The following ELL variants were observed in gnomAD, a reference collection of about 807,000 sequenced individuals.
ELL encodes the protein elongation factor for RNA polymerase II, also known as RNA polymerase II elongation factor ELL.
In ELL, 18 loss-of-function variants were observed where a neutral mutation model predicts 64.0. That is an observed-to-expected ratio of 0.28 (90% CI 0.19 to 0.42). The LOEUF (loss-of-function observed/expected upper bound fraction) is 0.42. ELL is among the 10% of genes least tolerant of loss of function. The probability of loss-of-function intolerance (pLI) is 1.00; values close to 1 mark genes in which losing one functional copy is unlikely to be tolerated. For missense variants in ELL, 797 were observed against 870.4 expected, an observed-to-expected ratio of 0.92 and a Z score of 1.06; for synonymous variants, 399 against 376.2, an observed-to-expected ratio of 1.06 and a Z score of -0.70.
intron 1 of ELL, among the ~76,000 whole-genome samples, chr19:18,521,175 C>T (rs1412523269): frequency 6.6e-6 from 1 of 152,062 alleles, no homozygotes; most frequent in Non-Finnish European, 1.5e-5. Flanking sequence ...TACATGTGCC[C>T]TGAGGATAAC....
chr19:18,489,746 C>T (rs1485143452), intron 1 of ELL, among the ~76,000 whole-genome samples: 1 of 152,256 alleles, frequency 6.6e-6, no homozygotes, highest in Middle Eastern at 3.4e-3. Flanking sequence ...TCCCCCAAGG[C>T]GTCATCAGAG....
chr19:18,463,774 C>T (rs1974880697), intron 4 of ELL, among the ~76,000 whole-genome samples: 1 of 151,464 alleles, frequency 6.6e-6, no homozygotes, highest in Non-Finnish European at 1.5e-5. Context: ...GTCAGGAGAT[C>T]GAGACCGTCC....
At chr19:18,521,232 G>A (rs1338467722) in intron 1 of ELL, among the ~76,000 whole-genome samples, 2 of 151,996 alleles carry the variant, frequency 1.3e-5, no homozygotes, top group Admixed American at 6.6e-5. Context: ...ACCTCTCTCC[G>A]GAGAGAGAGG....
intron 1 of ELL, among the ~76,000 whole-genome samples, chr19:18,515,872 C>T (rs1044400988): frequency 8.5e-5 from 13 of 152,140 alleles, no homozygotes; most frequent in South Asian, 6.2e-4. Flanking sequence ...CAGGTGATGC[C>T]GCCTCTCAGA....
intron 1 of ELL, among the ~76,000 whole-genome samples, chr19:18,478,509 CA>C: frequency 6.6e-6 from 1 of 152,176 alleles, no homozygotes; most frequent in East Asian, 1.9e-4. Context: ...CCTCGAGTGG[CA>C]AAAATCCAAC....
chr19:18,483,864 T>C (rs1270963662), intron 1 of ELL, among the ~76,000 whole-genome samples: 2 of 152,196 alleles, frequency 1.3e-5, no homozygotes, highest in Non-Finnish European at 2.9e-5. Context: ...TGCACCTCCA[T>C]GGGTCAATCT....
In ELL at chr19:18,461,846, T is replaced by C; in HGVS notation, c.476A>G (p.Lys159Arg). Residue 159 changes from lysine to arginine, a missense_variant, in exon 5 of 12, where the codon AAG becomes AGG. Physicochemically the swap from Lys to Arg is conservative, Grantham distance 26. Coordinates refer to ENST00000262809, the MANE Select transcript of ELL (RefSeq NM_006532.4). ...IKAGGRYLGK[K>R]VQFRKPAPGA... The stretch of plus-strand genomic sequence containing the variant: ...TGGGGCTGGTTTCCGAAACTGAACC[T>C]TCTTGCCTGCAACAAGAATCCAAGC... 1 of 1,611,236 alleles carries C rather than the reference T, an allele frequency of 6.2e-7. No homozygotes were observed. The highest frequency in any genetic ancestry group is 8.5e-7 in the Non-Finnish European group (1 of 1,177,836).
At position 18,482,336 on chromosome 19, in the gene ELL, T is replaced by C. The variant is rs866260769; in HGVS notation, c.136-9454A>G. 2.6e-3 allele frequency among the ~76,000 whole-genome samples: 335 copies of C among 127,912 alleles called. 4 individuals carry two copies. The highest frequency in any genetic ancestry group is 4.3e-3 in the Non-Finnish European group (256 of 59,126). The allele number at this position is 127,912 out of a possible 152,430, so 83.9% of individuals were successfully genotyped here. A position where few individuals can be genotyped will look rare whatever the true frequency, so the allele number is the denominator to read the frequency against. On this transcript the variant is annotated intron_variant, in intron 1 of 11. Coordinates refer to ENST00000262809, the MANE Select transcript of ELL (RefSeq NM_006532.4). ...TTTTTTTTTTTTTTTTTTTTTTTTT[T>C]AAACAGGGTCTCGCCCTGTCACCTA...
intron 1 of ELL, among the ~76,000 whole-genome samples, chr19:18,480,939 C>T (rs1354740136): frequency 6.6e-6 from 1 of 152,186 alleles, no homozygotes; most frequent in Non-Finnish European, 1.5e-5. Context: ...CAGCCCGCAG[C>T]AGATATTTCT....
At chr19:18,483,361 C>T (rs1975345402) in intron 1 of ELL, among the ~76,000 whole-genome samples, 1 of 152,206 alleles carries the variant, frequency 6.6e-6, no homozygotes, top group Non-Finnish European at 1.5e-5. Flanking sequence ...AGGCGCTCAG[C>T]AGGTGAGCAG....
intron 7 of ELL, 63 bp from the exon 8 acceptor site, chr19:18,451,038 C>CCCAACG: frequency 6.9e-7 from 1 of 1,456,484 alleles, no homozygotes; most frequent in Non-Finnish European, 9.0e-7. Context: ...AACAGGCAAT[C>CCCAACG]CCCTGGCCTG....
chr19:18,468,521 C>T (rs1974998819), intron 2 of ELL, among the ~76,000 whole-genome samples: 1 of 152,204 alleles, frequency 6.6e-6, no homozygotes, highest in Admixed American at 6.5e-5. Context: ...CTGTGGTGGC[C>T]AGGTGCACAG....
At chr19:18,514,639 C>CT (rs1367464499) in intron 1 of ELL, among the ~76,000 whole-genome samples, 1 of 152,066 alleles carries the variant, frequency 6.6e-6, no homozygotes, top group Non-Finnish European at 1.5e-5. Context: ...CCTTTGGACT[C>CT]TGTGGCTGAC....
chr19:18,449,019 T>G lies in ELL; in HGVS notation c.1465+1458A>C, dbSNP rs941444858. ...GACCACCAGCACCAGGCTCAGCTTCTGGTGCCTCCACTGTCCTTTTCTTGG... is the reference window on the plus strand; with the variant it reads ...GACCACCAGCACCAGGCTCAGCTTCGGGTGCCTCCACTGTCCTTTTCTTGG... On this transcript the variant is annotated intron_variant, in intron 8 of 11. Transcript: ENST00000262809. This position sits in a 1 kb window ranked among gnomAD's most constrained non-coding sequence, Gnocchi z 4.4. Among the ~76,000 whole-genome samples, 2 of 152,184 alleles carry G rather than the reference T, an allele frequency of 1.3e-5. No homozygotes were observed. The highest frequency in any genetic ancestry group is 1.3e-4 in the Admixed American group (2 of 15,272).
chr19:18,461,677 C>T lies in ELL; in HGVS notation c.645G>A (p.Leu215=). ...RPFRDRVLHL[L]ALRPYRKAEL... is the part of the protein sequence containing the mutation. ...CAGCCTTGCGGTAGGGCCGTAGTGC[C>T]AGGAGGTGCAGCACTCGGTCACGGA... is the stretch of plus-strand genomic sequence containing the variant. The change falls in exon 5 of 12, where the codon CTG becomes CTA. Residue 215 remains leucine (L), a synonymous_variant. Transcript: ENST00000262809. The T allele has an allele frequency of 6.2e-7, 1 of 1,613,400 alleles. No homozygotes were observed. The highest frequency in any genetic ancestry group is 8.5e-7 in the Non-Finnish European group (1 of 1,179,972).
At chr19:18,462,374 G>C (rs1180788898) in intron 4 of ELL, among the ~76,000 whole-genome samples, 1 of 58,540 alleles carries the variant, frequency 1.7e-5, no homozygotes, top group Non-Finnish European at 2.8e-5. Context: ...TTTGGGCGGG[G>C]GGCGGGGGGG....
rs200858673 is a variant in ELL at position 18,461,669 on chromosome 19, C to T, written c.653G>A (p.Arg218Gln). Reference protein sequence around the residue: ...RDRVLHLLALRPYRKAELLLR... With the variant: ...RDRVLHLLALQPYRKAELLLR... ...CAGCAGCTCAGCCTTGCGGTAGGGC[C>T]GTAGTGCCAGGAGGTGCAGCACTCG... Residue 218 changes from arginine (R) to glutamine (Q), a missense_variant, in exon 5 of 12, where the codon CGG (arginine) becomes CAG (glutamine). Coordinates refer to ENST00000262809, the MANE Select transcript of ELL (RefSeq NM_006532.4). 18 of 1,613,204 alleles carry T rather than the reference C, an allele frequency of 1.1e-5. No individual in the cohort carries two copies. In the East Asian group the frequency reaches 3.6e-4, roughly 32 times the overall value.
chr19:18,495,974 C>G (rs1975643489), intron 1 of ELL, among the ~76,000 whole-genome samples: 1 of 152,204 alleles, frequency 6.6e-6, no homozygotes, highest in Admixed American at 6.5e-5. Flanking sequence ...GAGCCCCTAC[C>G]CTACCTGCTC....
intron 1 of ELL, among the ~76,000 whole-genome samples, chr19:18,504,034 C>T (rs574510659): frequency 9.2e-5 from 14 of 152,360 alleles, no homozygotes; most frequent in Admixed American, 7.8e-4. Flanking sequence ...ACTGACTCCT[C>T]GGCATCCAGG....
Sources: gnomAD v4.1 joint callset for allele counts (sites outside exome capture counted in the v4.1 genomes callset) on GRCh38, gnomAD v4.1.1 for gene constraint, Gnocchi (gnomAD v3.1) non-coding constraint, MANE v1.5 for transcripts, NCBI Gene and HGNC (gene_info 2026-07-23, HGNC 2026-07-21) for gene names.